The following FARS2 variants were observed in gnomAD, a reference collection of about 807,000 sequenced individuals.
The protein encoded by FARS2 is phenylalanyl-tRNA synthetase 2, mitochondrial, also known as phenylalanine--tRNA ligase, mitochondrial.
Under a neutral mutation model 46.4 loss-of-function variants are expected in FARS2, and 40 were observed. The ratio of observed to expected loss-of-function variants is 0.86; its 90% CI spans 0.67 to 1.12. FARS2 has a LOEUF of 1.12. Among genes scored for constraint, FARS2 ranks in the 50% most tolerant of loss-of-function variants. The probability of loss-of-function intolerance (pLI) is 0.00; values close to 1 mark genes in which losing one functional copy is unlikely to be tolerated. For synonymous variants in FARS2, 234 were observed against 214.9 expected (o/e 1.09, Z -0.78); for missense variants, 513 against 567.9 (o/e 0.90, Z 0.98).
At chr6:5,686,708 G>T (rs1372715700) in intron 6 of FARS2, among the ~76,000 whole-genome samples, 4 of 152,162 alleles carry the variant, frequency 2.6e-5, no homozygotes, top group South Asian at 2.1e-4. Flanking sequence ...AATCCTTTGG[G>T]TATATACCCA....
In FARS2 at chr6:5,764,034, A is replaced by G. The variant is rs1367428127; in HGVS notation, c.1218-7257A>G. The stretch of plus-strand genomic sequence containing the variant: ...CCACAGCCTCATTACACTCTCCAAT[A>G]AGCCACAGGAGTAAAGGAGGAAGAT... On this transcript the variant is annotated intron_variant, in intron 6 of 6. Coordinates refer to ENST00000274680, the MANE Select transcript of FARS2 (RefSeq NM_006567.5). This position sits in a 1 kb window ranked among gnomAD's most constrained non-coding sequence, Gnocchi z 4.1. 6.6e-6 allele frequency among the ~76,000 whole-genome samples: 1 copy of G among 151,998 alleles called. No individual in the cohort carries two copies. The highest frequency in any genetic ancestry group is 1.9e-4 in the East Asian group (1 of 5,162).
intron 1 of FARS2, among the ~76,000 whole-genome samples, chr6:5,272,713 A>G (rs4585611): frequency 0.42 from 64,206 of 152,024 alleles, 16,002 homozygotes; most frequent in East Asian, 0.81. Flanking sequence ...ATAGATTATT[A>G]TAATCTATAG....
rs1164267044 is a variant in FARS2, at chr6:5,473,367, A to C, written c.904+42195A>C. ...CAGCGAAACCCCGTCTCTACTAAAAATACAAAAAAATTAGCCGGGAATGGT... is the reference window on the plus strand; with the variant it reads ...CAGCGAAACCCCGTCTCTACTAAAACTACAAAAAAATTAGCCGGGAATGGT... On this transcript the variant is annotated intron_variant, in intron 4 of 6. Transcript: ENST00000274680. Among the ~76,000 whole-genome samples the C allele has an allele frequency of 5.9e-5, 9 of 152,216 alleles. 1 individual carries two copies. In the East Asian group the frequency reaches 1.7e-3, roughly 29 times the overall value.
chr6:5,586,179 TC>T (rs1289362657), intron 5 of FARS2, among the ~76,000 whole-genome samples: 1 of 152,160 alleles, frequency 6.6e-6, no homozygotes, highest in East Asian at 1.9e-4. Context: ...CAATTTATCT[TC>T]CTGCCATATT....
intron 4 of FARS2, among the ~76,000 whole-genome samples, chr6:5,503,403 CACAGAG>C (rs1448064063): frequency 0.077 from 5,682 of 74,074 alleles, 346 homozygotes; most frequent in African/African-American, 0.32. Context: ...CACACACACA[CACAGAG>C]AGAGAGAGAG....
intron 5 of FARS2, among the ~76,000 whole-genome samples, chr6:5,587,620 C>T (rs192334599): frequency 3.3e-4 from 50 of 152,256 alleles, no homozygotes; most frequent in African/African-American, 1.2e-3. Flanking sequence ...ATTCACACAG[C>T]CCATTAGTAT....
chr6:5,400,073 A>G (rs1429913415), intron 2 of FARS2, among the ~76,000 whole-genome samples: 1 of 152,150 alleles, frequency 6.6e-6, no homozygotes, highest in Non-Finnish European at 1.5e-5. Context: ...ACCAGTTTCC[A>G]TTTTCACCAG....
At position 5,608,641 on chromosome 6, in the gene FARS2, A is replaced by G. The variant is rs545648356; in HGVS notation, c.1066-4528A>G. Among the ~76,000 whole-genome samples the G allele has an allele frequency of 3.0e-3, 454 of 152,180 alleles. 4 individuals are homozygous for G. The highest frequency in any genetic ancestry group is 0.011 in the African/African-American group (446 of 41,558). On this transcript the variant is annotated intron_variant, in intron 5 of 6. Coordinates refer to ENST00000274680, the MANE Select transcript of FARS2 (RefSeq NM_006567.5). Reference sequence around the variant, plus strand: ...ATATATTGCATAGGATGGGCCAACAATCATTTTTATAACCAATAATTCCAT... The same window carrying G: ...ATATATTGCATAGGATGGGCCAACAGTCATTTTTATAACCAATAATTCCAT...
At chr6:5,328,612 T>G (rs1770565483) in intron 1 of FARS2, among the ~76,000 whole-genome samples, 1 of 151,982 alleles carries the variant, frequency 6.6e-6, no homozygotes, top group African/African-American at 2.4e-5. Flanking sequence ...AGGCTACATC[T>G]TTTCATTGGT....
intron 5 of FARS2, among the ~76,000 whole-genome samples, chr6:5,596,067 A>G (rs898968344): frequency 1.1e-4 from 17 of 152,202 alleles, no homozygotes; most frequent in African/African-American, 4.1e-4. Context: ...TAATAATTCA[A>G]TGAGGTAAGG....
Position 5,727,793 on chromosome 6 carries a change from A to G in FARS2, c.1218-43498A>G, listed in dbSNP as rs973698909. On this transcript the variant is annotated intron_variant, in intron 6 of 6. Transcript: ENST00000274680. This position sits in a 1 kb window ranked among gnomAD's most constrained non-coding sequence, Gnocchi z 4.1. Reference sequence around the variant, plus strand: ...AAAACACTTCCTCGAGCTTCTATACATTCTGCTCGTTGCCATGTGTCCCCA... The same window carrying G: ...AAAACACTTCCTCGAGCTTCTATACGTTCTGCTCGTTGCCATGTGTCCCCA... 3.9e-5 allele frequency among the ~76,000 whole-genome samples: 6 copies of G among 152,186 alleles called. No homozygotes were observed. Among genetic ancestry groups the G allele is most frequent in the Non-Finnish European group, 8.8e-5 (6 of 68,036 alleles).
chr6:5,579,329 C>T (rs1158894253), intron 5 of FARS2, among the ~76,000 whole-genome samples: 3 of 152,082 alleles, frequency 2.0e-5, no homozygotes, highest in South Asian at 2.1e-4. Context: ...GGTGCAATCT[C>T]GGCTCACTAC....
intron 4 of FARS2, among the ~76,000 whole-genome samples, chr6:5,446,936 C>T (rs773489449): frequency 5.3e-5 from 8 of 152,012 alleles, no homozygotes; most frequent in African/African-American, 1.2e-4. Context: ...GGAAGACTGA[C>T]GCATGGATGT....
chr6:5,432,527 ATT>A (rs70975907), intron 4 of FARS2, among the ~76,000 whole-genome samples: 1 of 49,370 alleles, frequency 2.0e-5, no homozygotes, highest in Non-Finnish European at 4.1e-5. Context: ...ATATATATAT[ATT>A]TTTTTTTTTC....
At chr6:5,387,775 A>C (rs962157189) in intron 2 of FARS2, among the ~76,000 whole-genome samples, 1 of 152,168 alleles carries the variant, frequency 6.6e-6, no homozygotes, top group East Asian at 1.9e-4. Flanking sequence ...GTTACAAATC[A>C]TGGTTGCTTG....
chr6:5,397,320 G>A lies in FARS2; in HGVS notation c.613-7222G>A, dbSNP rs374413223. Among the ~76,000 whole-genome samples the A allele has an allele frequency of 4.6e-5, 7 of 152,154 alleles. No individual in the cohort carries two copies. The East Asian group carries it at 5.8e-4, about 13-fold the overall frequency. On this transcript the variant is annotated intron_variant, in intron 2 of 6. Transcript: ENST00000274680. ...GGAGACAGTGATGAATTGGCTGAGC[G>A]TAGAAGATTTTTAGGGCACTGAAAA... is the stretch of plus-strand genomic sequence containing the variant.
At chr6:5,458,559 C>T (rs1765045168) in intron 4 of FARS2, among the ~76,000 whole-genome samples, 1 of 152,058 alleles carries the variant, frequency 6.6e-6, no homozygotes, top group African/African-American at 2.4e-5. Flanking sequence ...TCTTGTTTCC[C>T]ACATAGAGAT....
intron 2 of FARS2, among the ~76,000 whole-genome samples, chr6:5,403,430 C>G (rs1761377888): frequency 2.0e-5 from 3 of 152,212 alleles, no homozygotes. Flanking sequence ...GCTGTTACAA[C>G]CCATGTTCAG....
At chr6:5,480,233 G>T (rs769196452) in intron 4 of FARS2, among the ~76,000 whole-genome samples, 2 of 152,084 alleles carry the variant, frequency 1.3e-5, no homozygotes, top group Non-Finnish European at 2.9e-5. Flanking sequence ...GAAATAACAG[G>T]GTGAAAAATA....
Sources: allele counts gnomAD v4.1 joint callset (sites outside exome capture counted in the v4.1 genomes callset), GRCh38; gene constraint gnomAD v4.1.1; non-coding constraint Gnocchi (gnomAD v3.1); transcripts MANE v1.5; gene names NCBI Gene and HGNC (gene_info 2026-07-23, HGNC 2026-07-21).